Variants in SPATA3 observed in about 807,000 individuals in gnomAD.
The protein encoded by SPATA3 is spermatogenesis associated 3.
A neutral mutation model predicts 5.7 loss-of-function variants in SPATA3; 6 were observed. The observed-to-expected ratio is 1.06, with a 90% CI of 0.58 to 2.09. SPATA3 has a LOEUF of 2.09. Among genes scored for constraint, SPATA3 ranks in the 30% most tolerant of loss-of-function variants. SPATA3 has a pLI of 0.00. For missense variants in SPATA3, 155 were observed against 130.4 expected, an observed-to-expected ratio of 1.19 and a Z score of -0.92; for synonymous variants, 44 against 48.4, an observed-to-expected ratio of 0.91 and a Z score of 0.37.
intron 6 of SPATA3, among the ~76,000 whole-genome samples, chr2:231,014,456 C>G (rs1035026294): frequency 3.3e-5 from 5 of 152,180 alleles, no homozygotes; most frequent in African/African-American, 1.2e-4. Flanking sequence ...CTATGCACTG[C>G]GACTCACCCT....
At chr2:231,005,235 TCACCACCACCATCAC>T, downstream of SPATA3, among the ~76,000 whole-genome samples, 1 of 101,316 alleles carries the variant, frequency 9.9e-6, no homozygotes, top group East Asian at 3.2e-4. Flanking sequence ...ACCATCACCA[TCACCACCACCATCAC>T]CACCATCATC....
exon 2 of SPATA3, chr2:231,000,426 C>T: frequency 1.3e-6 from 2 of 1,547,550 alleles, no homozygotes; most frequent in East Asian, 4.9e-5. Flanking sequence ...TGCAGCTCCG[C>T]TTGCTGGCGT....
At chr2:231,011,707 C>T (rs1692792919), downstream of SPATA3, among the ~76,000 whole-genome samples, 2 of 151,412 alleles carry the variant, frequency 1.3e-5, no homozygotes, top group Admixed American at 1.3e-4. Context: ...CAGGTAAAGG[C>T]AGCCATGAGA....
intron 2 of SPATA3, among the ~76,000 whole-genome samples, chr2:231,001,280 C>G (rs1466158804): frequency 1.3e-5 from 2 of 152,190 alleles, no homozygotes; most frequent in Non-Finnish European, 2.9e-5. Flanking sequence ...TGCTAGGTTA[C>G]ATGCATGGGC....
intron 2 of SPATA3, among the ~76,000 whole-genome samples, chr2:231,001,255 C>T (rs1692342961): frequency 6.6e-6 from 1 of 152,146 alleles, no homozygotes; most frequent in African/African-American, 2.4e-5. Flanking sequence ...TGGAGATGTT[C>T]CCACGTTTGG....
intron 6 of SPATA3, chr2:231,019,611 A>C (rs1574680849): frequency 6.6e-6 from 1 of 151,344 alleles, no homozygotes; most frequent in Middle Eastern, 3.1e-3. Flanking sequence ...GGCGTGAGCC[A>C]CCGCGCCCGG....
downstream of SPATA3, among the ~76,000 whole-genome samples, chr2:231,009,847 C>G (rs144081683): frequency 5.3e-5 from 8 of 152,326 alleles, no homozygotes; most frequent in East Asian, 1.5e-3. Context: ...CTTTGGGATA[C>G]ATTAAGATTT....
intron 2 of SPATA3, among the ~76,000 whole-genome samples, chr2:231,001,478 A>T (rs531830494): frequency 2.0e-4 from 30 of 151,598 alleles, no homozygotes; most frequent in Admixed American, 1.6e-3. Context: ...GAAAAACTCC[A>T]TCTCTCCTAC....
intron 2 of SPATA3, among the ~76,000 whole-genome samples, chr2:231,001,982 C>T (rs1311549201): frequency 6.6e-6 from 1 of 152,148 alleles, no homozygotes; most frequent in Non-Finnish European, 1.5e-5. Flanking sequence ...AGATGAAAAG[C>T]GGGAGCAATC....
intron 6 of SPATA3, among the ~76,000 whole-genome samples, chr2:231,017,724 A>G (rs1692968587): frequency 1.3e-5 from 2 of 152,334 alleles, no homozygotes. Flanking sequence ...TGGGATGGCT[A>G]TTCAGAGGGG....
chr2:231,019,490 A>ATT (rs796644973), intron 6 of SPATA3, among the ~76,000 whole-genome samples: 1 of 137,352 alleles, frequency 7.3e-6, no homozygotes, highest in Admixed American at 7.2e-5. Flanking sequence ...CGCCTGGCTA[A>ATT]TTTTTTTGTA....
rs146861612 is a variant in SPATA3, at chr2:231,014,322, A to C, written c.*565+110A>C. 383 of 152,346 alleles carry C rather than the reference A, an allele frequency of 2.5e-3. 1 individual carries two copies. Among genetic ancestry groups the C allele is most frequent in the African/African-American group, 8.9e-3 (368 of 41,580 alleles). 9.4% of individuals were successfully genotyped at this position (152,346 alleles called of 1,614,324 possible). ...TAAGCCTTTGTTTATAAAGTCTACT[A>C]TTCTTAGCCTTAACATCCCATGTAA... On this transcript the variant is annotated intron_variant, in intron 6 of 8. Coordinates refer to the SPATA3 transcript ENST00000452881.
chr2:231,005,195 T>A (rs201513985), downstream of SPATA3, among the ~76,000 whole-genome samples: 1,749 of 22,240 alleles, frequency 0.079, no homozygotes, highest in Middle Eastern at 0.14. Context: ...CATCACCATC[T>A]TCACCATCAC....
At chr2:231,019,412 C>CTTCTAAAA (rs1553553188) in intron 6 of SPATA3, among the ~76,000 whole-genome samples, 14 of 150,368 alleles carry the variant, frequency 9.3e-5, no homozygotes, top group East Asian at 2.1e-4. Context: ...CAAGCTCCGC[C>CTTCTAAAA]TCCCGGGTTC....
downstream of SPATA3, among the ~76,000 whole-genome samples, chr2:231,005,022 T>C (rs796900605): frequency 1.0e-3 from 63 of 62,632 alleles, no homozygotes; most frequent in South Asian, 4.4e-3. Flanking sequence ...ATCATCACCA[T>C]CACCATCATC....
At chr2:231,005,586 T>C (rs1402524928), downstream of SPATA3, among the ~76,000 whole-genome samples, 60 of 5,126 alleles carry the variant, frequency 0.012, 2 homozygotes, top group African/African-American at 0.026. Flanking sequence ...ACCATCATCA[T>C]CCTCACCATC....
exon 2 of SPATA3, chr2:231,000,390 A>G: frequency 6.6e-6 from 10 of 1,525,596 alleles, no homozygotes; most frequent in Non-Finnish European, 8.8e-6. Flanking sequence ...GCCGGCCCGC[A>G]TTCCTGCTCC....
chr2:230,997,074 A>G (rs541338353), intron 1 of SPATA3, among the ~76,000 whole-genome samples: 1 of 152,112 alleles, frequency 6.6e-6, no homozygotes, highest in Admixed American at 6.6e-5. Context: ...ATGTGAATAG[A>G]CTTGTTCCTT....
At chr2:231,005,541 C>A (rs62193670), downstream of SPATA3, among the ~76,000 whole-genome samples, 1 of 39,434 alleles carries the variant, frequency 2.5e-5, no homozygotes, top group African/African-American at 8.5e-5. Flanking sequence ...ATCATCACCA[C>A]CATCATCACC....
Sources: gnomAD v4.1 joint callset for allele counts (sites outside exome capture counted in the v4.1 genomes callset) on GRCh38, gnomAD v4.1.1 for gene constraint, MANE v1.5 for transcripts, NCBI Gene and HGNC (gene_info 2026-07-23, HGNC 2026-07-21) for gene names.